Variants in TENM1 observed in about 807,000 individuals in gnomAD.
TENM1 encodes the protein teneurin-1.
TENM1 carries 35 observed loss-of-function variants against 174.8 expected under a neutral mutation model. That is an observed-to-expected ratio of 0.20 (90% CI 0.15 to 0.27). The LOEUF is 0.27. Ranked by LOEUF, TENM1 falls within the 10% of genes least tolerant of loss-of-function variation. TENM1 has a pLI of 1.00. For synonymous variants in TENM1, 781 were observed against 798.7 expected (o/e 0.98, Z 0.37); for missense variants, 1,633 against 2,130.1 (o/e 0.77, Z 4.59).
chrX:125,059,664 T>C, the TENM1 span, among the ~76,000 whole-genome samples: 1 of 111,647 alleles, frequency 9.0e-6, no homozygotes, highest in African/African-American at 3.3e-5. Flanking sequence ...TATTCAATTA[T>C]TTTTCTTTTT....
chrX:125,095,584 A>C, the TENM1 span, among the ~76,000 whole-genome samples: 4 of 112,318 alleles, frequency 3.6e-5, no homozygotes, highest in Non-Finnish European at 7.5e-5. Flanking sequence ...ATTTAAAAGT[A>C]TCTATTATTT....
chrX:124,958,328 T>C (rs919970951), intron 1 of TENM1, among the ~76,000 whole-genome samples: 2 of 111,672 alleles, frequency 1.8e-5, no homozygotes, highest in African/African-American at 6.5e-5. Flanking sequence ...TTAATACTTC[T>C]CAAAACAAGT....
chrX:124,494,495 TTTTA>T (rs375546724), intron 20 of TENM1, among the ~76,000 whole-genome samples: 22,330 of 108,041 alleles, frequency 0.21, 2,388 homozygotes, highest in African/African-American at 0.38. Context: ...TTCCCTTTTC[TTTTA>T]TTTATTTATT....
chrX:124,520,054 G>A (rs1424678702), intron 18 of TENM1, among the ~76,000 whole-genome samples: 1 of 112,021 alleles, frequency 8.9e-6, no homozygotes, highest in Non-Finnish European at 1.9e-5. Flanking sequence ...TAGGAAGGCA[G>A]GATGATTTTT....
At chrX:124,806,092 A>C (rs755893270) in intron 3 of TENM1, among the ~76,000 whole-genome samples, 91 of 112,141 alleles carry the variant, frequency 8.1e-4, no homozygotes, top group Non-Finnish European at 1.2e-3. Flanking sequence ...AAAAACTGTA[A>C]AGTAACCAGA....
At chrX:124,925,690 A>C (rs140809898) in intron 1 of TENM1, among the ~76,000 whole-genome samples, 2 of 112,828 alleles carry the variant, frequency 1.8e-5, no homozygotes, top group African/African-American at 6.4e-5. Context: ...TCAAAGGAAT[A>C]GTTACAAGGC....
intron 3 of TENM1, among the ~76,000 whole-genome samples, chrX:124,834,521 C>T (rs2056354979): frequency 9.0e-6 from 1 of 111,508 alleles, no homozygotes; most frequent in South Asian, 3.8e-4. Context: ...CAGGAACTGC[C>T]TCTACTTTCC....
At chrX:124,884,407 G>A (rs2057350900) in intron 3 of TENM1, among the ~76,000 whole-genome samples, 1 of 110,637 alleles carries the variant, frequency 9.0e-6, no homozygotes, top group Non-Finnish European at 1.9e-5. Context: ...GACCCAATGT[G>A]ACATCTCTCT....
chrX:124,669,734 T>G (rs7051250), intron 6 of TENM1, among the ~76,000 whole-genome samples: 6,739 of 111,625 alleles, frequency 0.06, 486 homozygotes, highest in African/African-American at 0.21. Flanking sequence ...CTTAATAAAG[T>G]ATTTAATTGA....
chrX:124,655,913 A>G, intron 6 of TENM1, among the ~76,000 whole-genome samples: 1 of 111,981 alleles, frequency 8.9e-6, no homozygotes, highest in Admixed American at 9.5e-5. Context: ...CTGATTATAC[A>G]TTTAACTCTT....
At chrX:124,807,948 A>G (rs2055657629) in intron 3 of TENM1, among the ~76,000 whole-genome samples, 1 of 110,111 alleles carries the variant, frequency 9.1e-6, no homozygotes, top group Admixed American at 9.7e-5. Context: ...AGAATCTACA[A>G]AACTACTAGA....
intron 23 of TENM1, among the ~76,000 whole-genome samples, chrX:124,426,561 G>A (rs769945854): frequency 1.3e-4 from 15 of 111,505 alleles, no homozygotes; most frequent in Non-Finnish European, 2.4e-4. Flanking sequence ...AGAGGACAAA[G>A]GTTGTCTTTG....
chrX:124,861,946 T>C (rs1168507025), intron 3 of TENM1, among the ~76,000 whole-genome samples: 1 of 112,225 alleles, frequency 8.9e-6, no homozygotes, highest in Non-Finnish European at 1.9e-5. Flanking sequence ...TCTACATGCA[T>C]TGATTTGGCA....
In TENM1 at chrX:124,671,846, A is replaced by G. The variant is rs1415089016; in HGVS notation, c.1016-11T>C. 1 of 1,207,045 alleles carries G rather than the reference A, an allele frequency of 8.3e-7. No individual in the cohort carries two copies. The highest frequency in any genetic ancestry group is 1.8e-5 in the South Asian group (1 of 56,097). ...CGAACAAATGCACTGCTGCAAGAGAACAAGCCATACATTAATTTATTCCAG... is the reference window on the plus strand; with the variant it reads ...CGAACAAATGCACTGCTGCAAGAGAGCAAGCCATACATTAATTTATTCCAG... On this transcript the variant is annotated splice_polypyrimidine_tract_variant and intron_variant, in intron 5 of 31. Coordinates refer to ENST00000422452, the Ensembl canonical transcript of TENM1.
At chrX:124,453,265 C>T in intron 23 of TENM1, 72 bp downstream of exon 26, 1 of 1,034,746 alleles carries the variant, frequency 9.7e-7, no homozygotes. Flanking sequence ...TACCTCATTT[C>T]TACATGAGAA....
intron 23 of TENM1, among the ~76,000 whole-genome samples, chrX:124,443,380 T>C (rs1190753063): frequency 3.6e-5 from 4 of 111,182 alleles, no homozygotes; most frequent in Non-Finnish European, 7.5e-5. Flanking sequence ...TTAAGGAGAA[T>C]GACGACAGAG....
At chrX:124,528,899 C>G (rs1421739241) in intron 16 of TENM1, among the ~76,000 whole-genome samples, 1 of 111,344 alleles carries the variant, frequency 9.0e-6, no homozygotes, top group Non-Finnish European at 1.9e-5. Context: ...TTTATAAGTA[C>G]TTTCTTGACA....
At chrX:124,880,783 G>A (rs947133728) in intron 3 of TENM1, among the ~76,000 whole-genome samples, 1 of 111,614 alleles carries the variant, frequency 9.0e-6, no homozygotes, top group South Asian at 3.8e-4. Context: ...TACATCTATT[G>A]AGATGTCCAT....
intron 8 of TENM1, among the ~76,000 whole-genome samples, chrX:124,651,265 C>T (rs59218163): frequency 0.12 from 12,957 of 110,721 alleles, 1,593 homozygotes; most frequent in African/African-American, 0.37. Context: ...AAGAGTGAGA[C>T]GTCTGAAACT....
Sources: allele counts gnomAD v4.1 joint callset (sites outside exome capture counted in the v4.1 genomes callset), GRCh38; gene constraint gnomAD v4.1.1; transcripts MANE v1.5; gene names NCBI Gene and HGNC (gene_info 2026-07-23, HGNC 2026-07-21).